Variants in SLC16A10 observed in about 807,000 individuals in gnomAD.
SLC16A10 encodes the protein monocarboxylate transporter 10.
In SLC16A10, 27 loss-of-function variants were observed where a neutral mutation model predicts 40.0. The observed-to-expected ratio is 0.67, with a 90% confidence interval of 0.50 to 0.93. The LOEUF is 0.93. Ranked by LOEUF, SLC16A10 falls within the 40% of genes least tolerant of loss-of-function variation. SLC16A10 has a pLI of 0.00. For missense variants in SLC16A10, 529 were observed against 658.2 expected, an observed-to-expected ratio of 0.80 and a Z score of 2.15; for synonymous variants, 213 against 249.8, an observed-to-expected ratio of 0.85 and a Z score of 1.39.
intron 4 of SLC16A10, among the ~76,000 whole-genome samples, chr6:111,214,847 C>T (rs1336243070): frequency 2.0e-5 from 3 of 152,212 alleles, no homozygotes; most frequent in Admixed American, 2.0e-4. Flanking sequence ...AGTCTGGGCG[C>T]GGTGGCTCAT....
At chr6:111,165,882 G>C (rs1347438183) in intron 1 of SLC16A10, among the ~76,000 whole-genome samples, 1 of 152,214 alleles carries the variant, frequency 6.6e-6, no homozygotes, top group Non-Finnish European at 1.5e-5. Flanking sequence ...TAAAATGGCA[G>C]AGACCAAAAG....
intron 3 of SLC16A10, among the ~76,000 whole-genome samples, chr6:111,194,519 G>C (rs1311167994): frequency 6.6e-6 from 1 of 152,168 alleles, no homozygotes; most frequent in Non-Finnish European, 1.5e-5. Flanking sequence ...GCTTCCAGAA[G>C]AACGGGGTGT....
rs1771105697 is a variant in SLC16A10 at position 111,230,912 on chromosome 6, C to T, written c.*8677C>T. 6.6e-6 allele frequency: 1 copy of T among 152,112 alleles called. No individual in the cohort carries two copies. 9.4% of individuals were successfully genotyped at this position (152,112 alleles called of 1,614,324 possible). A position where few individuals can be genotyped will look rare whatever the true frequency, so the allele number is the denominator to read the frequency against. On this transcript the variant is annotated 3_prime_UTR_variant, in exon 6 of 6. Coordinates refer to ENST00000368851, the MANE Select transcript of SLC16A10 (RefSeq NM_018593.5). The stretch of plus-strand genomic sequence containing the variant: ...CAGCTCTGCTTCTCTCCCAACCTAC[C>T]CTGGGGCCATTTTTGGCACAATAGT...
At position 111,177,339 on chromosome 6, in the gene SLC16A10, G is replaced by T. The variant is rs934782917; in HGVS notation, c.616G>T (p.Val206Phe). ...KKRLGLVNGI[V>F]TAGSSVFTIL... ...GCGCCTTGGACTGGTGAATGGCATT[G>T]TCACTGCTGGCAGCAGTGTCTTCAC... The change falls in exon 3 of 6, where the codon GTC becomes TTC. Residue 206 changes from valine to phenylalanine, a missense_variant. Physicochemically the swap from Val to Phe is conservative, Grantham distance 50. Transcript: ENST00000368851. The T allele has an allele frequency of 4.3e-6, 7 of 1,613,694 alleles. No homozygotes were observed. The highest frequency in any genetic ancestry group is 5.9e-6 in the Non-Finnish European group (7 of 1,179,892).
chr6:111,208,343 T>C (rs1322825433), intron 4 of SLC16A10, among the ~76,000 whole-genome samples: 1 of 152,016 alleles, frequency 6.6e-6, no homozygotes, highest in Non-Finnish European at 1.5e-5. Context: ...CCCAGCACTT[T>C]GGGAGGCTGA....
chr6:111,178,912 A>G (rs531626618), intron 3 of SLC16A10, among the ~76,000 whole-genome samples: 1 of 152,236 alleles, frequency 6.6e-6, no homozygotes, highest in Admixed American at 6.5e-5. Context: ...TGGAATATAG[A>G]TCTGTTGTGA....
At chr6:111,093,191 C>G (rs2114426924) in intron 1 of SLC16A10, among the ~76,000 whole-genome samples, 1 of 151,054 alleles carries the variant, frequency 6.6e-6, no homozygotes, top group South Asian at 2.1e-4. Flanking sequence ...GCCTGGGCAA[C>G]AAGAGAGAAA....
chr6:111,200,064 A>G (rs1215203720), intron 3 of SLC16A10, among the ~76,000 whole-genome samples: 1 of 152,236 alleles, frequency 6.6e-6, no homozygotes, highest in East Asian at 1.9e-4. Context: ...ATCTTAATGA[A>G]ATGGAAAGAT....
rs558250653 is a variant in SLC16A10 at position 111,176,215 on chromosome 6, A to G, written c.489-997A>G. 2.0e-5 allele frequency among the ~76,000 whole-genome samples: 3 copies of G among 152,306 alleles called. No individual in the cohort carries two copies. In the South Asian group the frequency reaches 6.2e-4, roughly 32 times the overall value. ...GCATCTCAGAGAGAGGATTGCCAACATGCCTTAATTTTATCAGATTCTAGA... is the reference window on the plus strand; with the variant it reads ...GCATCTCAGAGAGAGGATTGCCAACGTGCCTTAATTTTATCAGATTCTAGA... On this transcript the variant is annotated intron_variant, in intron 2 of 5. Transcript: ENST00000368851.
intron 1 of SLC16A10, among the ~76,000 whole-genome samples, chr6:111,141,198 T>C (rs1241569501): frequency 1.3e-5 from 2 of 152,208 alleles, no homozygotes; most frequent in African/African-American, 4.8e-5. Flanking sequence ...TTGAAAATTA[T>C]GTAGTTATTC....
chr6:111,213,324 A>G (rs180913588), intron 4 of SLC16A10, among the ~76,000 whole-genome samples: 3 of 150,336 alleles, frequency 2.0e-5, no homozygotes, highest in Admixed American at 2.0e-4. Flanking sequence ...AAGAGGTTGT[A>G]GGAAGACTTT....
Position 111,222,004 on chromosome 6 carries a change from G to T in SLC16A10, c.1317G>T (p.Gly439=). ...GGTGACAGCTTTTTCCCTTCTCAGG[G>T]TTACTTCGTGACAAACTGGGCTCCT... ...IPMTVGPPIA[G]LLRDKLGSYD... Residue 439 remains glycine, a splice_region_variant and synonymous_variant, in exon 6 of 6, where the codon GGG becomes GGT. Coordinates refer to ENST00000368851, the MANE Select transcript of SLC16A10 (RefSeq NM_018593.5). 5 of 1,601,932 alleles carry T rather than the reference G, an allele frequency of 3.1e-6. No individual in the cohort carries two copies. The highest frequency in any genetic ancestry group is 1.1e-5 in the South Asian group (1 of 88,192).
At position 111,087,853 on chromosome 6, in the gene SLC16A10, G is replaced by C; in HGVS notation, c.101G>C (p.Gly34Ala). The change falls in exon 1 of 6, where the codon GGA (glycine) becomes GCA (alanine). Residue 34 changes from glycine to alanine, a missense_variant. By Grantham distance (60) the Gly-to-Ala change is moderately conservative (BLOSUM62 0). Transcript: ENST00000368851. ...PTGAAPPPGP[G>A]PSDSPEAAVE... is the part of the protein sequence containing the mutation. ...GGGGCCGCTCCGCCGCCCGGCCCGG[G>C]ACCCTCGGACAGCCCCGAGGCGGCT... 2 of 1,427,284 alleles carry C rather than the reference G, an allele frequency of 1.4e-6. No individual in the cohort carries two copies. Among genetic ancestry groups the C allele is most frequent in the Non-Finnish European group, 9.1e-7 (1 of 1,098,644 alleles). The allele number at this position is 1,427,284 out of a possible 1,614,324, so 88.4% of individuals were successfully genotyped here.
At chr6:111,145,238 T>C (rs888003460) in intron 1 of SLC16A10, among the ~76,000 whole-genome samples, 2 of 151,976 alleles carry the variant, frequency 1.3e-5, no homozygotes, top group Admixed American at 1.3e-4. Flanking sequence ...ACCCCATCTC[T>C]ATCAAAAATT....
chr6:111,171,229 A>G (rs17605660), intron 1 of SLC16A10, among the ~76,000 whole-genome samples: 24,716 of 152,252 alleles, frequency 0.16, 2,119 homozygotes, highest in African/African-American at 0.22. Context: ...TTGGCCAATC[A>G]GCTCCTTCCT....
intron 1 of SLC16A10, among the ~76,000 whole-genome samples, chr6:111,093,732 T>C (rs1458170123): frequency 6.6e-6 from 1 of 152,234 alleles, no homozygotes; most frequent in Non-Finnish European, 1.5e-5. Context: ...ATAATCTGGT[T>C]CATGGTCCTA....
chr6:111,159,892 T>A (rs973256957), intron 1 of SLC16A10, among the ~76,000 whole-genome samples: 3 of 152,200 alleles, frequency 2.0e-5, no homozygotes, highest in Non-Finnish European at 4.4e-5. Flanking sequence ...TGACTAATGA[T>A]ATTGGGTGTC....
At chr6:111,194,119 G>C (rs923704146) in intron 3 of SLC16A10, among the ~76,000 whole-genome samples, 5 of 152,190 alleles carry the variant, frequency 3.3e-5, no homozygotes, top group Non-Finnish European at 7.3e-5. Context: ...CTGATTTCAG[G>C]TTGAGTTTAT....
chr6:111,226,005 T>C lies in SLC16A10; in HGVS notation c.*3770T>C, dbSNP rs981780490. 6.6e-6 allele frequency: 1 copy of C among 152,222 alleles called. No individual in the cohort carries two copies. The highest frequency in any genetic ancestry group is 1.5e-5 in the Non-Finnish European group (1 of 68,042). The allele number at this position is 152,222 out of a possible 1,614,324, so 9.4% of individuals were successfully genotyped here. A position where few individuals can be genotyped will look rare whatever the true frequency, so the allele number is the denominator to read the frequency against. On this transcript the variant is annotated 3_prime_UTR_variant, in exon 6 of 6. Coordinates refer to ENST00000368851, the MANE Select transcript of SLC16A10 (RefSeq NM_018593.5). ...CTGAATGGATCCCCACCCAATTTCG[T>C]GTATCCTGGTGAATGGCTTTCTCTC...
Sources: allele counts gnomAD v4.1 joint callset (sites outside exome capture counted in the v4.1 genomes callset), GRCh38; gene constraint gnomAD v4.1.1; transcripts MANE v1.5; gene names NCBI Gene and HGNC (gene_info 2026-07-23, HGNC 2026-07-21).